Variants in SLCO2B1 observed in about 807,000 individuals in gnomAD.
SLCO2B1 encodes the protein OATP-RP2.
A neutral mutation model predicts 67.3 loss-of-function variants in SLCO2B1; 41 were observed. The observed-to-expected ratio is 0.61, with a 90% confidence interval of 0.47 to 0.79. SLCO2B1 has a LOEUF of 0.79. Among genes scored for constraint, SLCO2B1 ranks in the 30% least tolerant of loss-of-function variants. SLCO2B1 has a pLI of 0.00. For synonymous variants in SLCO2B1, 379 were observed against 381.4 expected, an observed-to-expected ratio of 0.99 and a Z score of 0.07; for missense variants, 837 against 920.1, an observed-to-expected ratio of 0.91 and a Z score of 1.17.
At position 75,181,161 on chromosome 11, in the gene SLCO2B1, A is replaced by G. The variant is rs373336416; in HGVS notation, c.973-6975A>G. Among the ~76,000 whole-genome samples, 435 of 152,044 alleles carry G rather than the reference A, an allele frequency of 2.9e-3. 1 individual carries two copies. Among genetic ancestry groups the G allele is most frequent in the African/African-American group, 0.01 (424 of 41,492 alleles). On this transcript the variant is annotated intron_variant, in intron 7 of 13. Transcript: ENST00000289575. ...AGGCAGGTGGATTACCTAAGGTTAG[A>G]AGCTCGAGACCTGCCTGGCCAACAT...
At chr11:75,179,156 A>G (rs1647945463) in intron 7 of SLCO2B1, among the ~76,000 whole-genome samples, 1 of 151,288 alleles carries the variant, frequency 6.6e-6, no homozygotes, top group Non-Finnish European at 1.5e-5. Flanking sequence ...TTTCTTTTTA[A>G]AAATGTTTTC....
At chr11:75,179,442 G>A (rs1950068705) in intron 7 of SLCO2B1, among the ~76,000 whole-genome samples, 2 of 151,810 alleles carry the variant, frequency 1.3e-5, no homozygotes, top group Admixed American at 1.3e-4. Context: ...ATGTTGGCCA[G>A]GCTGGTCCCC....
At chr11:75,179,183 G>A (rs1484840059) in intron 7 of SLCO2B1, among the ~76,000 whole-genome samples, 2 of 148,286 alleles carry the variant, frequency 1.3e-5, no homozygotes, top group Non-Finnish European at 3.0e-5. Flanking sequence ...AATTTTTATG[G>A]GTGCATAGGT....
rs1345064590 is a variant in SLCO2B1 at position 75,160,736 on chromosome 11, C to T, written c.17-1919C>T. 2.6e-5 allele frequency among the ~76,000 whole-genome samples: 4 copies of T among 152,234 alleles called. 1 individual carries two copies. Among genetic ancestry groups the T allele is most frequent in the Admixed American group, 2.6e-4 (4 of 15,288 alleles). On this transcript the variant is annotated intron_variant, in intron 1 of 13. Coordinates refer to ENST00000289575, the MANE Select transcript of SLCO2B1 (RefSeq NM_007256.5). The stretch of plus-strand genomic sequence containing the variant: ...GCAGAGGGACTCCTCCCTAGCCACA[C>T]GCACTTCCATTTCCTCAGCCAAATT...
intron 1 of SLCO2B1, among the ~76,000 whole-genome samples, chr11:75,157,509 G>A (rs530097388): frequency 6.6e-6 from 1 of 152,298 alleles, no homozygotes; most frequent in African/African-American, 2.4e-5. Flanking sequence ...ATCCAGAGAT[G>A]GATGAATGGC....
chr11:75,166,758 C>T (rs1309490140), intron 4 of SLCO2B1, among the ~76,000 whole-genome samples: 1 of 152,192 alleles, frequency 6.6e-6, no homozygotes, highest in Non-Finnish European at 1.5e-5. Context: ...AGGGAGCTCC[C>T]AGCCTGGGAG....
At chr11:75,174,691 T>C (rs1391436934) in intron 7 of SLCO2B1, among the ~76,000 whole-genome samples, 4 of 152,162 alleles carry the variant, frequency 2.6e-5, no homozygotes, top group Non-Finnish European at 5.9e-5. Context: ...GAAGATGAAA[T>C]TCCTAGAACT....
At chr11:75,172,597 G>C in intron 7 of SLCO2B1, 28 bp downstream of exon 7, 3 of 1,595,238 alleles carry the variant, frequency 1.9e-6, no homozygotes, top group Non-Finnish European at 2.6e-6. Flanking sequence ...CACCTGACTG[G>C]GTCCAGGCTC....
intron 8 of SLCO2B1, among the ~76,000 whole-genome samples, chr11:75,192,040 A>G (rs564521031): frequency 6.6e-6 from 1 of 152,246 alleles, no homozygotes; most frequent in African/African-American, 2.4e-5. Context: ...CCTAACTCCA[A>G]GCATTTGCCC....
At chr11:75,200,490 G>C in intron 11 of SLCO2B1, 103 bp downstream of exon 11, 1 of 1,204,828 alleles carries the variant, frequency 8.3e-7, no homozygotes, top group Non-Finnish European at 1.1e-6. Context: ...GAGGCCACTT[G>C]GGTGTCCTGG....
At chr11:75,197,624 C>T (rs1048251590) in intron 10 of SLCO2B1, among the ~76,000 whole-genome samples, 23 of 152,296 alleles carry the variant, frequency 1.5e-4, no homozygotes, top group Non-Finnish European at 3.2e-4. Context: ...GTAACAAGTT[C>T]AGATCTGTGT....
intron 7 of SLCO2B1, among the ~76,000 whole-genome samples, chr11:75,182,416 C>T (rs1043873133): frequency 6.6e-6 from 1 of 152,152 alleles, no homozygotes; most frequent in African/African-American, 2.4e-5. Context: ...ACCAGACAGA[C>T]CATTGTGGGA....
rs1350030576 is a variant in SLCO2B1 at position 75,162,676 on chromosome 11, A to G, written c.38A>G (p.Gln13Arg). ...PRIGPAGEVP[Q>R]VPDKETKATM... Reference sequence around the variant, plus strand: ...TCAGGGCCAGCGGGTGAGGTACCCCAGGTACCAGACAAGGAAACCAAAGCC... The same window carrying G: ...TCAGGGCCAGCGGGTGAGGTACCCCGGGTACCAGACAAGGAAACCAAAGCC... Residue 13 changes from glutamine (Q) to arginine (R), a missense_variant, in exon 2 of 14, where the codon CAG becomes CGG. Gln to Arg is a conservative substitution (Grantham distance 43). Coordinates refer to ENST00000289575, the MANE Select transcript of SLCO2B1 (RefSeq NM_007256.5). 1.2e-6 allele frequency: 2 copies of G among 1,613,626 alleles called. No homozygotes were observed. The highest frequency in any genetic ancestry group is 2.2e-5 in the South Asian group (2 of 91,014).
chr11:75,188,707 A>C (rs1357241157), intron 8 of SLCO2B1, among the ~76,000 whole-genome samples: 2 of 152,030 alleles, frequency 1.3e-5, no homozygotes, highest in African/African-American at 2.4e-5. Flanking sequence ...GCAGACAGAG[A>C]CTTCATTTCA....
rs776356585 is a variant in SLCO2B1 at position 75,196,623 on chromosome 11, C to T, written c.1543C>T (p.Pro515Ser). ...DPSTRVEYIT[P>S]CHAGCSSWVV... Reference sequence around the variant, plus strand: ...CAGCACTCGTGTGGAATACATCACACCCTGCCACGCAGGCTGCTCAAGCTG... The same window carrying T: ...CAGCACTCGTGTGGAATACATCACATCCTGCCACGCAGGCTGCTCAAGCTG... Residue 515 changes from proline (P) to serine (S), a missense_variant, in exon 10 of 14, where the codon CCC (proline) becomes TCC (serine). Pro to Ser is a moderately conservative substitution (Grantham distance 74). Transcript: ENST00000289575. The T allele has an allele frequency of 6.2e-6, 10 of 1,614,058 alleles. No individual in the cohort carries two copies. Among genetic ancestry groups the T allele is most frequent in the Admixed American group, 1.7e-5 (1 of 60,016 alleles).
At chr11:75,174,216 G>A (rs1026295230) in intron 7 of SLCO2B1, among the ~76,000 whole-genome samples, 22 of 152,296 alleles carry the variant, frequency 1.4e-4, no homozygotes, top group African/African-American at 5.3e-4. Context: ...TCAAGTATGG[G>A]AGGTGGCTGT....
intron 6 of SLCO2B1, among the ~76,000 whole-genome samples, chr11:75,170,549 T>C (rs191385470): frequency 6.6e-6 from 1 of 152,328 alleles, no homozygotes; most frequent in Non-Finnish European, 1.5e-5. Flanking sequence ...ATGTGCCTCC[T>C]GCCATTCTCA....
intron 9 of SLCO2B1, among the ~76,000 whole-genome samples, chr11:75,194,521 C>T (rs929246559): frequency 4.0e-5 from 6 of 151,874 alleles, no homozygotes; most frequent in Admixed American, 3.9e-4. Context: ...TGTCCCAGGT[C>T]CCACCCTCGC....
At chr11:75,178,830 C>T (rs1950058181) in intron 7 of SLCO2B1, among the ~76,000 whole-genome samples, 1 of 152,128 alleles carries the variant, frequency 6.6e-6, no homozygotes, top group Non-Finnish European at 1.5e-5. Flanking sequence ...ATGAGTTTGG[C>T]TTTTTTATAT....
Sources: gnomAD v4.1 joint callset for allele counts (sites outside exome capture counted in the v4.1 genomes callset) on GRCh38, gnomAD v4.1.1 for gene constraint, MANE v1.5 for transcripts, NCBI Gene and HGNC (gene_info 2026-07-23, HGNC 2026-07-21) for gene names.